The following PDE10A variants were observed in gnomAD, a reference collection of about 807,000 sequenced individuals.
PDE10A encodes phosphodiesterase 10A, also known as cAMP and cAMP-inhibited cGMP 3',5'-cyclic phosphodiesterase 10A.
PDE10A carries 39 observed loss-of-function variants against 97.7 expected under a neutral mutation model. The observed-to-expected ratio is 0.40, with a 90% confidence interval of 0.31 to 0.52. The LOEUF is 0.52. Ranked by LOEUF, PDE10A falls within the 20% of genes least tolerant of loss-of-function variation. PDE10A has a pLI of 0.56. For missense variants in PDE10A, 731 were observed against 1,047.8 expected, an observed-to-expected ratio of 0.70 and a Z score of 4.17; for synonymous variants, 371 against 376.8, an observed-to-expected ratio of 0.98 and a Z score of 0.18.
intron 2 of PDE10A, among the ~76,000 whole-genome samples, chr6:165,499,735 C>G (rs974404142): frequency 6.6e-6 from 1 of 152,078 alleles, no homozygotes; most frequent in Non-Finnish European, 1.5e-5. Flanking sequence ...CATTTTTGCT[C>G]ATGAATGATT....
chr6:165,587,926 A>G (rs1786011081), intron 1 of PDE10A, among the ~76,000 whole-genome samples: 1 of 152,226 alleles, frequency 6.6e-6, no homozygotes, highest in African/African-American at 2.4e-5. Flanking sequence ...CGGCTTAGAG[A>G]TCTAGCAACC....
rs1246996612 is a variant in PDE10A at position 165,662,987 on chromosome 6, C to T, written c.-176G>A. Among the ~76,000 whole-genome samples the T allele has an allele frequency of 4.6e-5, 7 of 151,340 alleles. No individual in the cohort carries two copies. Among genetic ancestry groups the T allele is most frequent in the Non-Finnish European group, 1.0e-4 (7 of 67,730 alleles). ...CCCAGTCTAGTCTTCACATTGTGCT[C>T]GGCTTGGGTTGCGGGAGGACCCGGG... On this transcript the variant is annotated 5_prime_UTR_variant, in exon 1 of 22. Transcript: ENST00000539869.
intron 3 of PDE10A, among the ~76,000 whole-genome samples, chr6:165,461,296 C>T (rs1013633349): frequency 6.6e-6 from 1 of 152,106 alleles, no homozygotes; most frequent in Non-Finnish European, 1.5e-5. Context: ...GTTTGCTATC[C>T]CTTTAGCTGA....
chr6:165,788,436 G>A (rs1373337820), intron 1 of PDE10A, among the ~76,000 whole-genome samples: 2 of 135,508 alleles, frequency 1.5e-5, no homozygotes, highest in East Asian at 2.3e-4. Context: ...ATAATCGCTT[G>A]AACCCAGGAG....
chr6:165,335,269 C>T (rs1003251944), intron 21 of PDE10A, among the ~76,000 whole-genome samples: 11 of 151,818 alleles, frequency 7.2e-5, no homozygotes, highest in African/African-American at 1.9e-4. Context: ...AAAGAGGAAG[C>T]GGTTATTCAA....
intron 1 of PDE10A, among the ~76,000 whole-genome samples, chr6:165,550,115 T>C (rs1006636274): frequency 6.6e-6 from 1 of 152,158 alleles, no homozygotes; most frequent in Admixed American, 6.6e-5. Context: ...ACAGTGCTTT[T>C]ACATGCCCTA....
intron 1 of PDE10A, among the ~76,000 whole-genome samples, chr6:165,554,210 C>A (rs975629756): frequency 3.3e-5 from 5 of 152,028 alleles, no homozygotes; most frequent in African/African-American, 9.7e-5. Context: ...ATACAATCAA[C>A]AAAGTGAAGA....
At chr6:165,691,503 C>T (rs556661712) in intron 1 of PDE10A, among the ~76,000 whole-genome samples, 4 of 152,090 alleles carry the variant, frequency 2.6e-5, no homozygotes, top group Admixed American at 6.5e-5. Context: ...ACAACAAAAT[C>T]GCCTGATAAC....
At chr6:165,923,610 A>G (rs1782823892) in intron 1 of PDE10A, among the ~76,000 whole-genome samples, 1 of 152,186 alleles carries the variant, frequency 6.6e-6, no homozygotes, top group African/African-American at 2.4e-5. Flanking sequence ...GTCCTTCATA[A>G]AGAGAGTTTG....
At chr6:165,392,510 G>T in intron 16 of PDE10A, 136 bp downstream of exon 16, 1 of 655,580 alleles carries the variant, frequency 1.5e-6, no homozygotes, top group Non-Finnish European at 2.7e-6. Context: ...GTCTAAAAAT[G>T]GGCTACTATT....
chr6:165,966,723 C>A (rs180800352), intron 1 of PDE10A, among the ~76,000 whole-genome samples: 2 of 152,178 alleles, frequency 1.3e-5, no homozygotes, highest in African/African-American at 4.8e-5. Context: ...CCTGGCCTCA[C>A]GGTGCATGCA....
At chr6:165,619,378 T>TCTAGC (rs1787941638) in intron 1 of PDE10A, among the ~76,000 whole-genome samples, 2 of 151,254 alleles carry the variant, frequency 1.3e-5, no homozygotes, top group Non-Finnish European at 2.9e-5. Context: ...TGTGGTGTAG[T>TCTAGC]GTAGTCTAGT....
At chr6:165,700,564 G>A (rs74845911) in intron 1 of PDE10A, among the ~76,000 whole-genome samples, 1,779 of 152,118 alleles carry the variant, frequency 0.012, 39 homozygotes, top group African/African-American at 0.041. Flanking sequence ...TCTTTTTACC[G>A]TTTTGCAGGT....
intron 1 of PDE10A, among the ~76,000 whole-genome samples, chr6:165,794,029 A>G (rs993620723): frequency 2.0e-5 from 3 of 152,134 alleles, no homozygotes; most frequent in East Asian, 1.9e-4. Context: ...GTAGCAAGCA[A>G]AGAGAGACAG....
At chr6:165,915,581 C>T (rs1782584222) in intron 1 of PDE10A, among the ~76,000 whole-genome samples, 1 of 152,136 alleles carries the variant, frequency 6.6e-6, no homozygotes, top group Admixed American at 6.5e-5. Flanking sequence ...TGGGTCTCTT[C>T]ATTACTGTCT....
chr6:165,619,329 G>C (rs111210787), intron 1 of PDE10A, among the ~76,000 whole-genome samples: 4,826 of 110,994 alleles, frequency 0.043, 95 homozygotes, highest in African/African-American at 0.094. Flanking sequence ...GTGGTGTAGT[G>C]TAGTGTAGTG....
intron 10 of PDE10A, among the ~76,000 whole-genome samples, chr6:165,424,679 C>T (rs1457961450): frequency 5.3e-5 from 8 of 152,020 alleles, no homozygotes; most frequent in Non-Finnish European, 7.4e-5. Context: ...TTGAGCAATC[C>T]GATGTATGAA....
intron 1 of PDE10A, among the ~76,000 whole-genome samples, chr6:165,921,705 G>T (rs1403412681): frequency 6.6e-6 from 1 of 152,154 alleles, no homozygotes; most frequent in Non-Finnish European, 1.5e-5. Flanking sequence ...GAGAGGGCTT[G>T]GTGCATTCCA....
intron 5 of PDE10A, among the ~76,000 whole-genome samples, chr6:165,448,382 G>A (rs1190675955): frequency 6.6e-6 from 1 of 152,154 alleles, no homozygotes; most frequent in Non-Finnish European, 1.5e-5. Context: ...CAGAAACGCA[G>A]GATCCGGCCT....
Sources: gnomAD v4.1 joint callset for allele counts (sites outside exome capture counted in the v4.1 genomes callset) on GRCh38, gnomAD v4.1.1 for gene constraint, MANE v1.5 for transcripts, NCBI Gene and HGNC (gene_info 2026-07-23, HGNC 2026-07-21) for gene names.